The following GALNT13 variants were observed in gnomAD, a reference collection of about 807,000 sequenced individuals.
GALNT13 encodes the protein UDP-GalNAc:polypeptide N-acetylgalactosaminyltransferase 13.
A neutral mutation model predicts 64.2 loss-of-function variants in GALNT13; 28 were observed. That is an observed-to-expected ratio of 0.44 (90% CI 0.32 to 0.60). The LOEUF (loss-of-function observed/expected upper bound fraction) is 0.60, where lower values mean the gene tolerates loss of function less well. Ranked by LOEUF, GALNT13 falls within the 20% of genes least tolerant of loss-of-function variation. The probability of loss-of-function intolerance (pLI) is 0.05; values close to 1 mark genes in which losing one functional copy is unlikely to be tolerated. For synonymous variants in GALNT13, 214 were observed against 224.6 expected (o/e 0.95, Z 0.42); for missense variants, 577 against 669.8 (o/e 0.86, Z 1.53).
chr2:153,084,307 A>G, the GALNT13 span, among the ~76,000 whole-genome samples: 1 of 152,138 alleles, frequency 6.6e-6, no homozygotes, highest in Non-Finnish European at 1.5e-5. Context: ...AATGGCATTG[A>G]AGCTGTAGAT....
intron 8 of GALNT13, chr2:154,286,917 C>T: frequency 2.0e-6 from 1 of 490,112 alleles, no homozygotes; most frequent in East Asian, 4.2e-5. Context: ...TCTTCACCAG[C>T]ATCGGAGAGG....
the GALNT13 span, among the ~76,000 whole-genome samples, chr2:153,665,811 T>C: frequency 0.39 from 58,976 of 151,868 alleles, 13,874 homozygotes; most frequent in Middle Eastern, 0.54. Context: ...TCCCACAACC[T>C]CCATGGAAAT....
chr2:153,633,957 A>G, the GALNT13 span, among the ~76,000 whole-genome samples: 8 of 152,236 alleles, frequency 5.3e-5, no homozygotes, highest in South Asian at 8.3e-4. Flanking sequence ...AATTCTACAG[A>G]CCCTAAAGAT....
At chr2:153,713,134 T>G in the GALNT13 span, among the ~76,000 whole-genome samples, 1 of 152,160 alleles carries the variant, frequency 6.6e-6, no homozygotes, top group African/African-American at 2.4e-5. Context: ...GTAGAGAAGT[T>G]TATATATATG....
intron 7 of GALNT13, among the ~76,000 whole-genome samples, chr2:154,256,756 G>A (rs1000926557): frequency 6.6e-6 from 1 of 152,142 alleles, no homozygotes; most frequent in Non-Finnish European, 1.5e-5. Flanking sequence ...ACTATGTGTG[G>A]TAGGTAGTGT....
At chr2:154,018,986 G>A (rs1697228257) in intron 3 of GALNT13, among the ~76,000 whole-genome samples, 1 of 151,948 alleles carries the variant, frequency 6.6e-6, no homozygotes, top group Non-Finnish European at 1.5e-5. Context: ...AAAGATAAAC[G>A]AGAGAGAGAG....
chr2:154,256,406 G>A (rs1029493630), intron 7 of GALNT13, among the ~76,000 whole-genome samples: 1 of 152,146 alleles, frequency 6.6e-6, no homozygotes, highest in African/African-American at 2.4e-5. Flanking sequence ...ATTAATGTGA[G>A]ACTATGGATT....
chr2:153,949,890 G>A (rs936581303), intron 3 of GALNT13, among the ~76,000 whole-genome samples: 11 of 152,016 alleles, frequency 7.2e-5, no homozygotes, highest in East Asian at 1.9e-4. Context: ...AAATGGAACC[G>A]AGAATAAAGT....
the GALNT13 span, among the ~76,000 whole-genome samples, chr2:153,459,091 G>A: frequency 6.6e-6 from 1 of 151,942 alleles, no homozygotes. Context: ...ATTGATGTAA[G>A]GTTTCATGAA....
the GALNT13 span, among the ~76,000 whole-genome samples, chr2:153,259,942 A>C: frequency 6.6e-6 from 1 of 151,666 alleles, no homozygotes; most frequent in Non-Finnish European, 1.5e-5. Flanking sequence ...CATGCTTTAA[A>C]TTCTTGATTT....
the GALNT13 span, among the ~76,000 whole-genome samples, chr2:153,257,062 C>T: frequency 6.6e-6 from 1 of 152,226 alleles, no homozygotes; most frequent in African/African-American, 2.4e-5. Context: ...TCGCTGCCGC[C>T]TTGCAATTTG....
At chr2:154,375,160 T>C (rs1697914073) in intron 9 of GALNT13, among the ~76,000 whole-genome samples, 1 of 152,082 alleles carries the variant, frequency 6.6e-6, no homozygotes, top group Admixed American at 6.6e-5. Context: ...GCTAATTTTT[T>C]ATATTTTTTA....
intron 8 of GALNT13, among the ~76,000 whole-genome samples, chr2:154,281,072 A>G (rs1361098617): frequency 6.6e-6 from 1 of 152,210 alleles, no homozygotes; most frequent in East Asian, 1.9e-4. Flanking sequence ...TTATACCTTA[A>G]CATTATTAAT....
chr2:154,020,276 C>G (rs1697352597), intron 3 of GALNT13, among the ~76,000 whole-genome samples: 1 of 152,176 alleles, frequency 6.6e-6, no homozygotes, highest in Non-Finnish European at 1.5e-5. Flanking sequence ...AATCGCCACA[C>G]CGACTTCCAC....
the GALNT13 span, among the ~76,000 whole-genome samples, chr2:153,473,662 A>G: frequency 6.6e-6 from 1 of 152,222 alleles, no homozygotes; most frequent in Non-Finnish European, 1.5e-5. Context: ...CTTTCAAATT[A>G]GGTTTGAGTC....
At chr2:153,972,026 T>A (rs539583909) in intron 3 of GALNT13, among the ~76,000 whole-genome samples, 1 of 151,846 alleles carries the variant, frequency 6.6e-6, no homozygotes, top group African/African-American at 2.4e-5. Flanking sequence ...AGGCAGAGAG[T>A]ATAGTTATGT....
At chr2:153,261,193 G>T in the GALNT13 span, among the ~76,000 whole-genome samples, 2 of 152,100 alleles carry the variant, frequency 1.3e-5, no homozygotes, top group East Asian at 1.9e-4. Flanking sequence ...GTCTCTTTGA[G>T]ATTGGACATT....
the GALNT13 span, among the ~76,000 whole-genome samples, chr2:153,333,240 GT>G: frequency 1.1e-4 from 16 of 152,302 alleles, 1 homozygote; most frequent in South Asian, 2.5e-3. Flanking sequence ...CTCACAGAAT[GT>G]TCAAGCCTCT....
the GALNT13 span, among the ~76,000 whole-genome samples, chr2:153,377,482 G>GTCTC: frequency 6.6e-6 from 1 of 152,186 alleles, no homozygotes; most frequent in East Asian, 1.9e-4. Flanking sequence ...TAGGGGTTGA[G>GTCTC]TCTCACTCTG....
Sources: gnomAD v4.1 joint callset for allele counts (sites outside exome capture counted in the v4.1 genomes callset) on GRCh38, gnomAD v4.1.1 for gene constraint, MANE v1.5 for transcripts, NCBI Gene and HGNC (gene_info 2026-07-23, HGNC 2026-07-21) for gene names.